Variants in DYNLL1 observed in about 807,000 individuals in gnomAD.
DYNLL1 encodes dynein light chain LC8-type 1, also known as dynein light chain 1, cytoplasmic.
A neutral mutation model predicts 10.1 loss-of-function variants in DYNLL1; 3 were observed. That is an observed-to-expected ratio of 0.30 (90% CI 0.14 to 0.77). DYNLL1 has a LOEUF of 0.77. DYNLL1 is among the 30% of genes least tolerant of loss of function. DYNLL1 has a pLI of 0.66. For missense variants in DYNLL1, 47 were observed against 111.7 expected, an observed-to-expected ratio of 0.42 and a Z score of 2.61; for synonymous variants, 46 against 41.2, an observed-to-expected ratio of 1.12 and a Z score of -0.45.
In DYNLL1 at chr12:120,471,672, G is replaced by A. The variant is rs540776172; in HGVS notation, c.-7+1568G>A. Reference sequence around the variant, plus strand: ...GTCACCCAGGCTGCAGTGCAGTGGCGTGATCTCGGCTCACTGCAAGCTCCG... The same window carrying A: ...GTCACCCAGGCTGCAGTGCAGTGGCATGATCTCGGCTCACTGCAAGCTCCG... On this transcript the variant is annotated intron_variant, in intron 1 of 2. Coordinates refer to the DYNLL1 transcript ENST00000392509. 5.5e-4 allele frequency among the ~76,000 whole-genome samples: 83 copies of A among 152,014 alleles called. 1 individual carries two copies. In the Middle Eastern group the frequency reaches 0.017, roughly 31 times the overall value.
Position 120,496,457 on chromosome 12 carries a change from C to G in DYNLL1, c.36C>G (p.Asp12Glu). 1 of 1,614,092 alleles carries G rather than the reference C, an allele frequency of 6.2e-7. No individual in the cohort carries two copies. Among genetic ancestry groups the G allele is most frequent in the Non-Finnish European group, 8.5e-7 (1 of 1,179,958 alleles). Residue 12 changes from aspartate (D) to glutamate (E), a missense_variant, in exon 2 of 3, where the codon GAC becomes GAG. By Grantham distance (45) the Asp-to-Glu change is conservative. Transcript: ENST00000242577. ...GAAAGGCCGTGATCAAAAATGCGGA[C>G]ATGTCGGAAGAGATGCAACAGGACT... The part of the protein sequence containing the change: ...CDRKAVIKNA[D>E]MSEEMQQDSV...
rs957068696 is a variant in DYNLL1, at chr12:120,496,136, G to A, written c.-87G>A. 1.9e-6 allele frequency: 1 copy of A among 520,106 alleles called. No homozygotes were observed. The highest frequency in any genetic ancestry group is 2.3e-5 in the South Asian group (1 of 43,680). 32.2% of individuals were successfully genotyped at this position (520,106 alleles called of 1,614,324 possible). On this transcript the variant is annotated 5_prime_UTR_variant, in exon 1 of 3. Transcript: ENST00000242577. ...TTAGATGCGCCACGGTTTCGGTAGC[G>A]ACGGTATCTCTAGCCGGGCCTGAGC... is the stretch of plus-strand genomic sequence containing the variant.
chr12:120,479,825 T>C (rs1187192025), intron 1 of DYNLL1, among the ~76,000 whole-genome samples: 1 of 152,198 alleles, frequency 6.6e-6, no homozygotes, highest in Admixed American at 6.5e-5. Flanking sequence ...CACAAGCTAC[T>C]TACAGTGAGA....
At chr12:120,486,860 T>C (rs1486082338) in intron 1 of DYNLL1, among the ~76,000 whole-genome samples, 1 of 152,124 alleles carries the variant, frequency 6.6e-6, no homozygotes, top group East Asian at 1.9e-4. Context: ...CTGGCTGCCC[T>C]ACTAACCTGC....
intron 1 of DYNLL1, among the ~76,000 whole-genome samples, chr12:120,485,486 C>A (rs1411074968): frequency 2.0e-5 from 3 of 151,590 alleles, no homozygotes; most frequent in Non-Finnish European, 4.4e-5. Context: ...GAACTCCCGA[C>A]CTCGTGATCC....
At chr12:120,497,975 G>C in intron 2 of DYNLL1, 98 bp from the exon 3 acceptor site, 2 of 1,233,522 alleles carry the variant, frequency 1.6e-6, no homozygotes, top group Non-Finnish European at 2.2e-6. Flanking sequence ...AGATGCTGAC[G>C]TTCCTCCTTT....
At chr12:120,480,885 G>A (rs1302889068) in intron 1 of DYNLL1, among the ~76,000 whole-genome samples, 1 of 151,044 alleles carries the variant, frequency 6.6e-6, no homozygotes, top group Non-Finnish European at 1.5e-5. Flanking sequence ...TCAGCCTCCC[G>A]AGTAGCTGGG....
chr12:120,496,196 C>T lies in DYNLL1; in HGVS notation c.-27C>T, dbSNP rs368159020. On this transcript the variant is annotated 5_prime_UTR_variant, in exon 1 of 3. Coordinates refer to ENST00000242577, the MANE Select transcript of DYNLL1 (RefSeq NM_003746.3). Reference sequence around the variant, plus strand: ...ACCTCCCCCAGGAGACCGTTGCAGTCGGCCAGCCCCCTTCTCCACGGTGAG... The same window carrying T: ...ACCTCCCCCAGGAGACCGTTGCAGTTGGCCAGCCCCCTTCTCCACGGTGAG... 6 of 649,024 alleles carry T rather than the reference C, an allele frequency of 9.2e-6. No homozygotes were observed. Among genetic ancestry groups the T allele is most frequent in the East Asian group, 5.5e-5 (2 of 36,254 alleles). The allele number at this position is 649,024 out of a possible 1,614,324, so 40.2% of individuals were successfully genotyped here. A position where few individuals can be genotyped will look rare whatever the true frequency, so the allele number is the denominator to read the frequency against.
chr12:120,495,370 C>A (rs3759394), upstream of DYNLL1: 39,448 of 152,008 alleles, frequency 0.26, 5,961 homozygotes, highest in East Asian at 0.5. Flanking sequence ...GATCCCCATC[C>A]CCAACCCCTT....
In DYNLL1 at chr12:120,498,282, G is replaced by T; in HGVS notation, c.*72G>T. ...ACTGCAGCCTAAATTCCAAATACCA[G>T]AGACTGAAATTTTCAGCCTTGCTAA... On this transcript the variant is annotated 3_prime_UTR_variant, in exon 3 of 3. Transcript: ENST00000242577. 6.5e-7 allele frequency: 1 copy of T among 1,539,182 alleles called. No homozygotes were observed. Among genetic ancestry groups the T allele is most frequent in the Non-Finnish European group, 8.7e-7 (1 of 1,150,652 alleles).
chr12:120,497,085 A>T, intron 2 of DYNLL1: 1 of 187,692 alleles, frequency 5.3e-6, no homozygotes, highest in South Asian at 1.2e-4. Context: ...AAGCCGTGGG[A>T]GGGTTCCAGT....
intron 1 of DYNLL1, among the ~76,000 whole-genome samples, chr12:120,489,755 T>C (rs541460797): frequency 6.6e-6 from 1 of 151,858 alleles, no homozygotes; most frequent in African/African-American, 2.4e-5. Flanking sequence ...TCTACTTTTT[T>C]AAATTTTTTT....
chr12:120,480,186 A>G (rs1402768146), intron 1 of DYNLL1, among the ~76,000 whole-genome samples: 1 of 152,128 alleles, frequency 6.6e-6, no homozygotes, highest in East Asian at 1.9e-4. Context: ...TGTTTATTAA[A>G]ACCTATGGTT....
chr12:120,495,292 G>C (rs1203419264), upstream of DYNLL1: 2 of 152,104 alleles, frequency 1.3e-5, no homozygotes, highest in Non-Finnish European at 2.9e-5. Flanking sequence ...AGGAAAGACT[G>C]CCTCACCTGA....
At chr12:120,471,902 C>T (rs1391814086) in intron 1 of DYNLL1, among the ~76,000 whole-genome samples, 4 of 152,164 alleles carry the variant, frequency 2.6e-5, no homozygotes, top group Middle Eastern at 3.4e-3. Context: ...TGAGCCACCG[C>T]GCCCAGCTGC....
At chr12:120,475,525 TC>T (rs1878734463) in intron 1 of DYNLL1, among the ~76,000 whole-genome samples, 2 of 152,178 alleles carry the variant, frequency 1.3e-5, no homozygotes, top group African/African-American at 4.8e-5. Context: ...GGGGAGAATC[TC>T]CATGTAGCAC....
In DYNLL1 at chr12:120,475,390, G is replaced by C. The variant is rs368743053; in HGVS notation, c.-7+5286G>C. Among the ~76,000 whole-genome samples the C allele has an allele frequency of 4.6e-5, 7 of 152,230 alleles. No homozygotes were observed. The South Asian group carries it at 1.5e-3, about 32-fold the overall frequency. ...GGGCTTCCTTTTCTTGGATTAATGG[G>C]CTTCTGGGATCAGTGAACTCCTGCC... On this transcript the variant is annotated intron_variant, in intron 1 of 2. Coordinates refer to the DYNLL1 transcript ENST00000392509.
intron 1 of DYNLL1, among the ~76,000 whole-genome samples, chr12:120,479,156 T>C (rs1016321204): frequency 4.9e-5 from 7 of 142,690 alleles, no homozygotes; most frequent in African/African-American, 1.8e-4. Flanking sequence ...AGAGCAAGTC[T>C]CCGTGTAAAA....
At chr12:120,482,498 A>G (rs925139571) in intron 1 of DYNLL1, among the ~76,000 whole-genome samples, 2 of 151,942 alleles carry the variant, frequency 1.3e-5, no homozygotes, top group East Asian at 3.9e-4. Context: ...AATTTTTTGT[A>G]TTTTTAGTGG....
Sources: allele counts gnomAD v4.1 joint callset (sites outside exome capture counted in the v4.1 genomes callset), GRCh38; gene constraint gnomAD v4.1.1; transcripts MANE v1.5; gene names NCBI Gene and HGNC (gene_info 2026-07-23, HGNC 2026-07-21).